The following VSIG10 variants were observed in gnomAD, a reference collection of about 807,000 sequenced individuals.
The protein encoded by VSIG10 is V-set and immunoglobulin domain containing 10, also known as V-set and immunoglobulin domain-containing protein 10.
A neutral mutation model predicts 58.7 loss-of-function variants in VSIG10; 48 were observed. That is an observed-to-expected ratio of 0.82 (90% CI 0.65 to 1.04). The LOEUF (loss-of-function observed/expected upper bound fraction) is 1.04, where lower values mean the gene tolerates loss of function less well. Among genes scored for constraint, VSIG10 ranks in the 50% least tolerant of loss-of-function variants. The pLI, the probability that VSIG10 is intolerant of heterozygous loss-of-function variation, is 0.00. For synonymous variants in VSIG10, 260 were observed against 267.1 expected (o/e 0.97, Z 0.26); for missense variants, 628 against 670.0 (o/e 0.94, Z 0.69).
chr12:118,082,698 T>C (rs2032998115), intron 2 of VSIG10, among the ~76,000 whole-genome samples: 1 of 152,128 alleles, frequency 6.6e-6, no homozygotes, highest in South Asian at 2.1e-4. Flanking sequence ...CTGTAAGGGC[T>C]AGGCACAGTA....
intron 2 of VSIG10, among the ~76,000 whole-genome samples, chr12:118,093,699 A>C (rs1402013060): frequency 6.6e-6 from 1 of 152,034 alleles, no homozygotes; most frequent in Non-Finnish European, 1.5e-5. Flanking sequence ...TCACGAGGTC[A>C]GGAGTTCAAG....
chr12:118,079,629 A>C, intron 3 of VSIG10, 23 bp from the exon 4 acceptor site: 1 of 1,612,334 alleles, frequency 6.2e-7, no homozygotes, highest in Middle Eastern at 1.7e-4. Context: ...AGAGGAAAGC[A>C]TGGGCTGAAT....
chr12:118,102,213 T>A (rs2033639755), intron 1 of VSIG10: 1 of 152,166 alleles, frequency 6.6e-6, no homozygotes, highest in African/African-American at 2.4e-5. Flanking sequence ...CATCCCAGGG[T>A]TCTTCTCACT....
intron 4 of VSIG10, among the ~76,000 whole-genome samples, chr12:118,078,684 A>G (rs1477086303): frequency 2.0e-5 from 3 of 151,874 alleles, no homozygotes; most frequent in South Asian, 2.1e-4. Context: ...GCTCACACCT[A>G]TAATCCCAGC....
intron 2 of VSIG10, among the ~76,000 whole-genome samples, chr12:118,093,079 G>A (rs1390550537): frequency 1.3e-5 from 2 of 151,428 alleles, no homozygotes; most frequent in Non-Finnish European, 2.9e-5. Context: ...CACAAGGTCA[G>A]GAGATCGAGA....
chr12:118,095,394 G>T, intron 2 of VSIG10, 139 bp downstream of exon 2: 1 of 1,075,802 alleles, frequency 9.3e-7, no homozygotes, highest in Non-Finnish European at 1.3e-6. Context: ...GGTGTGAGAG[G>T]TCCCTCAGCT....
At chr12:118,071,263 G>C (rs774736981) in intron 6 of VSIG10, 96 bp downstream of exon 6, 94 of 1,344,770 alleles carry the variant, frequency 7.0e-5, no homozygotes, top group Non-Finnish European at 9.4e-5. Flanking sequence ...CCAGAGAACA[G>C]AACTTCAGGT....
rs890944368 is a variant in VSIG10, at chr12:118,063,825, C to T, written c.*2814G>A. The T allele has an allele frequency of 6.6e-6, 1 of 152,276 alleles. No homozygotes were observed. Among genetic ancestry groups the T allele is most frequent in the East Asian group, 1.9e-4 (1 of 5,178 alleles). 9.4% of individuals were successfully genotyped at this position (152,276 alleles called of 1,614,324 possible). A position where few individuals can be genotyped will look rare whatever the true frequency, so the allele number is the denominator to read the frequency against. On this transcript the variant is annotated 3_prime_UTR_variant, in exon 9 of 9. Coordinates refer to ENST00000359236, the MANE Select transcript of VSIG10 (RefSeq NM_019086.6). ...AAGGATGATTTTCTAAGTCTCAGTG[C>T]ATGGGTTATTGCAATTTTCCATCTT...
At chr12:118,102,094 AG>A (rs1490722409) in intron 1 of VSIG10, 1 of 152,430 alleles carries the variant, frequency 6.6e-6, no homozygotes, top group Non-Finnish European at 1.5e-5. Context: ...TGGGCAACAG[AG>A]CGAGAGCCTG....
intron 3 of VSIG10, among the ~76,000 whole-genome samples, chr12:118,081,517 G>C (rs577022507): frequency 4.6e-5 from 7 of 151,382 alleles, no homozygotes; most frequent in Admixed American, 2.6e-4. Flanking sequence ...TTAATCCTAC[G>C]TACTTTCACC....
intron 2 of VSIG10, 107 bp downstream of exon 2, chr12:118,095,426 T>C: frequency 7.1e-7 from 1 of 1,399,828 alleles, no homozygotes; most frequent in South Asian, 1.3e-5. Context: ...GGGCCCAGAA[T>C]GATTTCCAGG....
Position 118,103,714 on chromosome 12 carries a change from G to A in VSIG10, c.-43C>T. On this transcript the variant is annotated 5_prime_UTR_variant, in exon 1 of 9. Coordinates refer to ENST00000359236, the MANE Select transcript of VSIG10 (RefSeq NM_019086.6). ...CTCAGGAAACGCAGGCTCGGGCTGG[G>A]CTGGACGTGTGTGCCCCAGGGCCCC... The A allele has an allele frequency of 1.4e-6, 2 of 1,433,686 alleles. No individual in the cohort carries two copies. The highest frequency in any genetic ancestry group is 1.4e-5 in the South Asian group (1 of 71,192). The allele number at this position is 1,433,686 out of a possible 1,614,324, so 88.8% of individuals were successfully genotyped here. A position where few individuals can be genotyped will look rare whatever the true frequency, so the allele number is the denominator to read the frequency against.
At chr12:118,074,805 T>C (rs534647488) in intron 4 of VSIG10, among the ~76,000 whole-genome samples, 1 of 152,276 alleles carries the variant, frequency 6.6e-6, no homozygotes, top group South Asian at 2.1e-4. Flanking sequence ...ATTTTTTCAT[T>C]TCTTGCAGTA....
chr12:118,092,666 G>A (rs1357888048), intron 2 of VSIG10, among the ~76,000 whole-genome samples: 4 of 124,362 alleles, frequency 3.2e-5, no homozygotes, highest in African/African-American at 6.2e-5. Context: ...ACAGGGTCTT[G>A]CTCTGTCACC....
chr12:118,071,670 GAACA>G (rs2032499292), intron 5 of VSIG10, among the ~76,000 whole-genome samples: 1 of 152,170 alleles, frequency 6.6e-6, no homozygotes, highest in Non-Finnish European at 1.5e-5. Context: ...CAGGGAATGT[GAACA>G]AACAATGGAA....
intron 1 of VSIG10, among the ~76,000 whole-genome samples, chr12:118,100,212 A>T (rs1223104773): frequency 6.6e-6 from 1 of 152,150 alleles, no homozygotes; most frequent in African/African-American, 2.4e-5. Context: ...TCTACTAAAA[A>T]TTAGCTGAAT....
chr12:118,067,888 A>G (rs2137826411), intron 8 of VSIG10, among the ~76,000 whole-genome samples: 1 of 152,154 alleles, frequency 6.6e-6, no homozygotes, highest in Non-Finnish European at 1.5e-5. Flanking sequence ...TTTGATTTTC[A>G]TGTTGGTAGT....
Position 118,079,421 on chromosome 12 carries a change from C to T in VSIG10, c.850G>A (p.Asp284Asn), listed in dbSNP as rs773721726. The T allele has an allele frequency of 4.3e-6, 7 of 1,614,010 alleles. No homozygotes were observed. The highest frequency in any genetic ancestry group is 5.9e-6 in the Non-Finnish European group (7 of 1,179,888). Reference protein sequence around the residue: ...VEMLSESQLSDGKKFKCVTSH... With the variant: ...VEMLSESQLSNGKKFKCVTSH... Reference sequence around the variant, plus strand: ...GTAACACACTTGAACTTCTTGCCATCCGACAGCTGGGACTCGCTCAGCATT... The same window carrying T: ...GTAACACACTTGAACTTCTTGCCATTCGACAGCTGGGACTCGCTCAGCATT... The change falls in exon 4 of 9, where the codon GAT (aspartate) becomes AAT (asparagine). Residue 284 changes from aspartate to asparagine, a missense_variant. By Grantham distance (23) the Asp-to-Asn change is conservative. Coordinates refer to ENST00000359236, the MANE Select transcript of VSIG10 (RefSeq NM_019086.6).
chr12:118,072,872 T>C (rs2032555601), intron 5 of VSIG10, among the ~76,000 whole-genome samples: 1 of 152,208 alleles, frequency 6.6e-6, no homozygotes, highest in Non-Finnish European at 1.5e-5. Context: ...ATAGTTTTTT[T>C]AGTGTAAGTA....
Sources: gnomAD v4.1 joint callset for allele counts (sites outside exome capture counted in the v4.1 genomes callset) on GRCh38, gnomAD v4.1.1 for gene constraint, MANE v1.5 for transcripts, NCBI Gene and HGNC (gene_info 2026-07-23, HGNC 2026-07-21) for gene names.